The following TMEM25 variants were observed in gnomAD, a reference collection of about 807,000 sequenced individuals.
TMEM25 encodes transmembrane protein 25, also known as 0610039J01Rik.
TMEM25 carries 36 observed loss-of-function variants against 37.0 expected under a neutral mutation model. The ratio of observed to expected loss-of-function variants is 0.97; its 90% CI spans 0.75 to 1.28. The LOEUF is 1.28. Among genes scored for constraint, TMEM25 ranks in the 50% most tolerant of loss-of-function variants. The pLI is 0.00. For synonymous variants in TMEM25, 197 were observed against 203.7 expected (o/e 0.97, Z 0.28); for missense variants, 444 against 477.9 (o/e 0.93, Z 0.66).
downstream of TMEM25, among the ~76,000 whole-genome samples, chr11:118,539,253 C>T (rs1555064628): frequency 6.8e-6 from 1 of 146,232 alleles, no homozygotes; most frequent in African/African-American, 2.5e-5. Flanking sequence ...CTGCAACCTC[C>T]ACTTCCCGGG....
Position 118,533,946 on chromosome 11 carries a change from G to A in TMEM25, c.836+59G>A, listed in dbSNP as rs370198525. ...ACCGAAATGCAGGATGGGGACAGGAGGGAGCCTGGGGTTTCTGGTAGAGGC... is the reference window on the plus strand; with the variant it reads ...ACCGAAATGCAGGATGGGGACAGGAAGGAGCCTGGGGTTTCTGGTAGAGGC... On this transcript the variant is annotated intron_variant, in intron 6 of 8. Transcript: ENST00000313236. 1.1e-5 allele frequency: 17 copies of A among 1,613,988 alleles called. No homozygotes were observed. The East Asian group carries it at 1.3e-4, about 13-fold the overall frequency.
chr11:118,537,339 C>CA (rs565780757), downstream of TMEM25, among the ~76,000 whole-genome samples: 29 of 142,468 alleles, frequency 2.0e-4, no homozygotes, highest in East Asian at 1.8e-3. Context: ...AGACTCCGTC[C>CA]AAAAAAAAAA....
chr11:118,533,906 G>A lies in TMEM25; in HGVS notation c.836+19G>A. On this transcript the variant is annotated intron_variant, in intron 6 of 8. Coordinates refer to ENST00000313236, the MANE Select transcript of TMEM25 (RefSeq NM_032780.4). ...TATCAAGGTAACTCTTCCTTGGGCTGGGTGGACAAGCCTAACCGAAATGCA... is the reference window on the plus strand; with the variant it reads ...TATCAAGGTAACTCTTCCTTGGGCTAGGTGGACAAGCCTAACCGAAATGCA... 1 of 1,614,134 alleles carries A rather than the reference G, an allele frequency of 6.2e-7. No homozygotes were observed. The highest frequency in any genetic ancestry group is 8.5e-7 in the Non-Finnish European group (1 of 1,180,008).
chr11:118,539,164 ATTTTTT>A (rs1160816224), downstream of TMEM25, among the ~76,000 whole-genome samples: 2 of 100,578 alleles, frequency 2.0e-5, no homozygotes, highest in African/African-American at 7.8e-5. Flanking sequence ...TTGGTCATAA[ATTTTTT>A]TTTTTTTTTT....
downstream of TMEM25, among the ~76,000 whole-genome samples, chr11:118,540,041 T>C (rs540776558): frequency 6.7e-6 from 1 of 148,756 alleles, no homozygotes; most frequent in South Asian, 2.2e-4. Flanking sequence ...AAAAAAAAAT[T>C]ACATTGGAGA....
At chr11:118,547,108 C>T (rs1325339642), downstream of TMEM25, 3 of 152,138 alleles carry the variant, frequency 2.0e-5, no homozygotes, top group African/African-American at 7.2e-5. Flanking sequence ...CTATTCAATC[C>T]CCTAATCAGA....
exon 9 of TMEM25, chr11:118,546,285 C>A: frequency 1.6e-6 from 1 of 643,830 alleles, no homozygotes. Context: ...ATCGCCTGAG[C>A]CTAGGAGTTC....
downstream of TMEM25, among the ~76,000 whole-genome samples, chr11:118,537,633 T>C (rs138549373): frequency 4.2e-3 from 640 of 152,376 alleles, 3 homozygotes; most frequent in African/African-American, 0.015. Flanking sequence ...TATTTGCTAT[T>C]GTGAATAGTG....
At position 118,532,375 on chromosome 11, in the gene TMEM25, A is replaced by G. The variant is rs781965949; in HGVS notation, c.296A>G (p.His99Arg). 48 of 1,613,880 alleles carry G rather than the reference A, an allele frequency of 3.0e-5. No homozygotes were observed. The Admixed American group carries it at 5.7e-4, about 19-fold the overall frequency. Residue 99 changes from histidine to arginine, a missense_variant, in exon 3 of 9, where the codon CAT becomes CGT. Coordinates refer to ENST00000313236, the MANE Select transcript of TMEM25 (RefSeq NM_032780.4). ...ACCAGCACCTTCACTGTCACTGCCC[A>G]TCGGGCCCAGCATGAGCTCAACTGC... The part of the protein sequence containing the change: ...GGTSTFTVTA[H>R]RAQHELNCSL...
chr11:118,546,196 C>A, exon 9 of TMEM25: 2 of 717,680 alleles, frequency 2.8e-6, no homozygotes, highest in Non-Finnish European at 5.2e-6. Flanking sequence ...GAAGAGACCC[C>A]TCAGAAGAAA....
At chr11:118,538,111 C>A (rs1000451566), downstream of TMEM25, among the ~76,000 whole-genome samples, 2 of 152,118 alleles carry the variant, frequency 1.3e-5, no homozygotes, top group Non-Finnish European at 2.9e-5. Flanking sequence ...TACATTCCCA[C>A]CAATATAAGA....
At chr11:118,533,631 C>T (rs782599330) in intron 5 of TMEM25, 80 bp downstream of exon 5, 1 of 1,607,784 alleles carries the variant, frequency 6.2e-7, no homozygotes, top group East Asian at 2.2e-5. Flanking sequence ...CTGGGCAGAA[C>T]CAGTCATCTC....
chr11:118,533,284 A>C, intron 4 of TMEM25, 77 bp downstream of exon 4: 1 of 1,559,104 alleles, frequency 6.4e-7, no homozygotes. Context: ...AAATGGGAAT[A>C]CTTGTTGCCC....
At chr11:118,531,671 C>CAAA in intron 1 of TMEM25, 104 bp from the exon 2 acceptor site, 1 of 929,776 alleles carries the variant, frequency 1.1e-6, no homozygotes. Flanking sequence ...TCTACATTTG[C>CAAA]GTTTCCGTAC....
chr11:118,540,981 A>G (rs1951570728), intron 8 of TMEM25, among the ~76,000 whole-genome samples: 1 of 152,082 alleles, frequency 6.6e-6, no homozygotes, highest in Non-Finnish European at 1.5e-5. Flanking sequence ...CTACTGGTGA[A>G]TATGGGGTTC....
chr11:118,544,629 T>C (rs1293863877), intron 8 of TMEM25: 1 of 354,194 alleles, frequency 2.8e-6, no homozygotes, highest in African/African-American at 2.1e-5. Context: ...CTTTTAAGCT[T>C]TCCTCCCAAT....
At chr11:118,545,598 T>C (rs1304624830) in intron 8 of TMEM25, 1 of 1,136,376 alleles carries the variant, frequency 8.8e-7, no homozygotes, top group African/African-American at 1.5e-5. Flanking sequence ...GGTGTCGCTA[T>C]GACTTTGGGG....
At chr11:118,544,924 A>G (rs1555066636) in intron 8 of TMEM25, 1 of 1,612,022 alleles carries the variant, frequency 6.2e-7, no homozygotes, top group Non-Finnish European at 8.5e-7. Flanking sequence ...TCTCAGCTGA[A>G]GGTTAATGTC....
At chr11:118,540,006 G>GC (rs1555064908), downstream of TMEM25, among the ~76,000 whole-genome samples, 1 of 132,972 alleles carries the variant, frequency 7.5e-6, no homozygotes, top group Non-Finnish European at 1.6e-5. Flanking sequence ...GGGCGACAGA[G>GC]CAAGACTCCG....
Sources: gnomAD v4.1 joint callset for allele counts (sites outside exome capture counted in the v4.1 genomes callset) on GRCh38, gnomAD v4.1.1 for gene constraint, MANE v1.5 for transcripts, NCBI Gene and HGNC (gene_info 2026-07-23, HGNC 2026-07-21) for gene names.